The following SHF variants were observed in gnomAD, a reference collection of about 807,000 sequenced individuals.
SHF encodes the protein Src homology 2 domain containing F.
A neutral mutation model predicts 42.4 loss-of-function variants in SHF; 30 were observed. That is an observed-to-expected ratio of 0.71 (90% CI 0.53 to 0.96). SHF has a LOEUF of 0.96. SHF is among the 40% of genes least tolerant of loss of function. SHF has a pLI of 0.00. For synonymous variants in SHF, 264 were observed against 269.9 expected (o/e 0.98, Z 0.21); for missense variants, 598 against 634.0 (o/e 0.94, Z 0.61).
Position 45,178,245 on chromosome 15 carries a change from G to A in SHF, c.560C>T (p.Ala187Val). The change falls in exon 2 of 7, where the codon GCA (alanine) becomes GTA (valine). Residue 187 changes from alanine (A) to valine (V), a missense_variant. Physicochemically the swap from Ala to Val is moderately conservative, Grantham distance 64 (BLOSUM62 0). Coordinates refer to ENST00000690270, the MANE Select transcript of SHF (RefSeq NM_001394037.1). ...CTTCTCTGGGGCTCCTGAAGCTCCTGCTGAGCCTTCGCCAGTCTCCTGAAC... is the reference window on the plus strand; with the variant it reads ...CTTCTCTGGGGCTCCTGAAGCTCCTACTGAGCCTTCGCCAGTCTCCTGAAC... The part of the protein sequence containing the change: ...FDVQETGEGS[A>V]GASGAPEKVP... The A allele has an allele frequency of 1.2e-6, 2 of 1,613,986 alleles. No individual in the cohort carries two copies. The highest frequency in any genetic ancestry group is 1.1e-5 in the South Asian group (1 of 91,084).
At chr15:45,192,516 C>T (rs1380641915), upstream of SHF, among the ~76,000 whole-genome samples, 5 of 151,860 alleles carry the variant, frequency 3.3e-5, no homozygotes, top group Non-Finnish European at 7.4e-5. Context: ...TACAGGCACC[C>T]GCCACCATGC....
chr15:45,171,561 T>C (rs1412708040), intron 6 of SHF: 2 of 373,914 alleles, frequency 5.3e-6, no homozygotes, highest in Admixed American at 4.0e-5. Flanking sequence ...TTCCCATGCA[T>C]TATTTCACCT....
chr15:45,184,142 G>A (rs1368003391), intron 1 of SHF, among the ~76,000 whole-genome samples: 1 of 152,178 alleles, frequency 6.6e-6, no homozygotes, highest in East Asian at 1.9e-4. Context: ...AGCGCCTAAT[G>A]ACATACACTT....
chr15:45,187,969 G>A, upstream of SHF: 3 of 1,166,926 alleles, frequency 2.6e-6, no homozygotes, highest in Middle Eastern at 3.5e-4. Flanking sequence ...GCCAGACTGA[G>A]CGAGGGGAGC....
intron 1 of SHF, among the ~76,000 whole-genome samples, chr15:45,182,178 C>T (rs1474951483): frequency 6.6e-6 from 1 of 152,250 alleles, no homozygotes; most frequent in African/African-American, 2.4e-5. Flanking sequence ...CCCTGACCCC[C>T]ACCACGGGGC....
intron 6 of SHF, chr15:45,171,236 G>A (rs886202422): frequency 1.3e-5 from 2 of 153,878 alleles, no homozygotes; most frequent in African/African-American, 4.8e-5. Context: ...AGTCTGGGAG[G>A]CTGATCTGCT....
intron 2 of SHF, chr15:45,198,622 C>T (rs888951799): frequency 9.3e-6 from 9 of 967,168 alleles, no homozygotes; most frequent in African/African-American, 4.9e-5. Flanking sequence ...GACTCGGATT[C>T]GAACCGAGGT....
upstream of SHF, among the ~76,000 whole-genome samples, chr15:45,188,882 A>T (rs1284278010): frequency 6.6e-6 from 1 of 152,196 alleles, no homozygotes; most frequent in Non-Finnish European, 1.5e-5. Flanking sequence ...AGTGCTAGGC[A>T]TTTTTGTCTT....
Position 45,170,903 on chromosome 15 carries a change from C to T in SHF, c.1280+980G>A, listed in dbSNP as rs145462723. 1.7e-3 allele frequency: 274 copies of T among 157,354 alleles called. 9 individuals carry two copies. The East Asian group carries it at 0.044, about 25-fold the overall frequency. 9.7% of individuals were successfully genotyped at this position (157,354 alleles called of 1,614,324 possible). On this transcript the variant is annotated intron_variant, in intron 6 of 6. Transcript: ENST00000690270. ...CTGACTTCAGGTGATCCACCTGCCA[C>T]GGCCTTTGAAAGTGCTGGGATTACA...
Position 45,175,306 on chromosome 15 carries a change from G to A in SHF, c.760C>T (p.Arg254Cys), listed in dbSNP as rs200717601. ...GGCCTCTCATCATCCTCTGGCAGGCGGGACTCCCGGGGCCAGGGGGCCCCC... is the reference window on the plus strand; with the variant it reads ...GGCCTCTCATCATCCTCTGGCAGGCAGGACTCCCGGGGCCAGGGGGCCCCC... ...GEGAPWPRES[R>C]LPEDDERPPE... The change falls in exon 3 of 7, where the codon CGC (arginine) becomes TGC (cysteine). Residue 254 changes from arginine to cysteine, a missense_variant. Around this residue, in one of 2 missense-constraint regions of SHF, gnomAD observed 439 missense variants for 524.6 expected, o/e 0.84. Transcript: ENST00000690270. 4.9e-5 allele frequency: 79 copies of A among 1,608,828 alleles called. No individual in the cohort carries two copies. The highest frequency in any genetic ancestry group is 6.5e-5 in the Non-Finnish European group (77 of 1,177,496).
chr15:45,197,162 G>A (rs980355472), intron 2 of SHF, among the ~76,000 whole-genome samples: 2 of 148,380 alleles, frequency 1.3e-5, no homozygotes, highest in Non-Finnish European at 3.0e-5. Flanking sequence ...CAAGGTAGAA[G>A]AATTGCTTGA....
intron 1 of SHF, among the ~76,000 whole-genome samples, chr15:45,199,355 A>T (rs1055079934): frequency 6.6e-6 from 1 of 152,230 alleles, no homozygotes; most frequent in African/African-American, 2.4e-5. Flanking sequence ...CACGGCGCCT[A>T]GAACCGGGCC....
At chr15:45,192,983 T>C (rs80152001) in intron 2 of SHF, among the ~76,000 whole-genome samples, 1,600 of 152,346 alleles carry the variant, frequency 0.011, 27 homozygotes, top group African/African-American at 0.036. Flanking sequence ...ATGTTAGGCT[T>C]GATCACTTGG....
chr15:45,167,890 G>C lies in SHF; in HGVS notation c.*57C>G. ...TCCCTGGCAAGAGCCACAGCCCTCA[G>C]CCAGGTGATGGGCACAGGGCTGGGT... On this transcript the variant is annotated 3_prime_UTR_variant, in exon 7 of 7. Coordinates refer to ENST00000690270, the MANE Select transcript of SHF (RefSeq NM_001394037.1). 1.4e-6 allele frequency: 2 copies of C among 1,415,248 alleles called. No individual in the cohort carries two copies. The highest frequency in any genetic ancestry group is 9.4e-7 in the Non-Finnish European group (1 of 1,069,254). The allele number at this position is 1,415,248 out of a possible 1,614,324, so 87.7% of individuals were successfully genotyped here.
rs112483954 is a variant in SHF at position 45,185,290 on chromosome 15, T to C, written c.498+2164A>G. Among the ~76,000 whole-genome samples, 1,054 of 152,208 alleles carry C rather than the reference T, an allele frequency of 6.9e-3. 5 individuals carry two copies. The highest frequency in any genetic ancestry group is 0.024 in the African/African-American group (978 of 41,520). ...AGAAAACAGGGAGAAAGCGGCCACATAGTACATAAACACCAGCTCCACTGG... is the reference window on the plus strand; with the variant it reads ...AGAAAACAGGGAGAAAGCGGCCACACAGTACATAAACACCAGCTCCACTGG... On this transcript the variant is annotated intron_variant, in intron 1 of 6. Coordinates refer to ENST00000690270, the MANE Select transcript of SHF (RefSeq NM_001394037.1).
At chr15:45,172,909 C>T (rs1163564601) in intron 4 of SHF, among the ~76,000 whole-genome samples, 1 of 152,144 alleles carries the variant, frequency 6.6e-6, no homozygotes, top group Admixed American at 6.5e-5. Context: ...TCTGCCCTCC[C>T]AGACCAGGGG....
Position 45,171,764 on chromosome 15 carries a change from T to C in SHF, c.1280+119A>G, listed in dbSNP as rs542484525. 353 of 1,076,922 alleles carry C rather than the reference T, an allele frequency of 3.3e-4. 1 individual carries two copies. Among genetic ancestry groups the C allele is most frequent in the Non-Finnish European group, 4.5e-4 (338 of 746,394 alleles). The allele number at this position is 1,076,922 out of a possible 1,614,324, so 66.7% of individuals were successfully genotyped here. A position where few individuals can be genotyped will look rare whatever the true frequency, so the allele number is the denominator to read the frequency against. On this transcript the variant is annotated intron_variant, in intron 6 of 6. Coordinates refer to ENST00000690270, the MANE Select transcript of SHF (RefSeq NM_001394037.1). ...GTCTCAGACATCTCAGGACCCCCAG[T>C]GCCTGGGGATTGTTCATGGGGGATG... is the stretch of plus-strand genomic sequence containing the variant.
At chr15:45,186,654 A>G (rs1898422255) in intron 1 of SHF, among the ~76,000 whole-genome samples, 1 of 152,254 alleles carries the variant, frequency 6.6e-6, no homozygotes, top group Non-Finnish European at 1.5e-5. Flanking sequence ...GAAAAGCTCC[A>G]GCCTCCCTCA....
chr15:45,182,173 A>C (rs753414), intron 1 of SHF, among the ~76,000 whole-genome samples: 63,225 of 151,952 alleles, frequency 0.42, 13,967 homozygotes, highest in East Asian at 0.61. Flanking sequence ...CACATCCCTG[A>C]CCCCCACCAC....
Sources: allele counts gnomAD v4.1 joint callset (sites outside exome capture counted in the v4.1 genomes callset), GRCh38; gene constraint gnomAD v4.1.1; regional missense constraint gnomAD v4.1.1; transcripts MANE v1.5; gene names NCBI Gene and HGNC (gene_info 2026-07-23, HGNC 2026-07-21).